Variants in NOMO2 observed in about 807,000 individuals in gnomAD.
The protein encoded by NOMO2 is BOS complex subunit NOMO2.
NOMO2 carries 14 observed loss-of-function variants against 67.1 expected under a neutral mutation model. That is an observed-to-expected ratio of 0.21 (90% CI 0.14 to 0.33). The LOEUF (loss-of-function observed/expected upper bound fraction) is 0.33. NOMO2 is among the 10% of genes least tolerant of loss of function. The pLI is 1.00. For missense variants in NOMO2, 178 were observed against 761.0 expected (o/e 0.23, Z 9.01); for synonymous variants, 80 against 305.9 (o/e 0.26, Z 7.71).
chr16:18,550,754 T>G (rs1012948783), intron 4 of NOMO2, among the ~76,000 whole-genome samples: 2 of 152,102 alleles, frequency 1.3e-5, no homozygotes, highest in Non-Finnish European at 2.9e-5. Context: ...ATGCACGCTC[T>G]CTCTGGGAGA....
chr16:18,555,633 G>C (rs1347894605), intron 2 of NOMO2, among the ~76,000 whole-genome samples: 1 of 150,432 alleles, frequency 6.6e-6, no homozygotes, highest in East Asian at 1.9e-4. Context: ...TTTTGAGATG[G>C]AGCCTCGCTC....
chr16:18,547,842 CA>C (rs1316764211), intron 5 of NOMO2, among the ~76,000 whole-genome samples: 1 of 150,810 alleles, frequency 6.6e-6, no homozygotes, highest in African/African-American at 2.4e-5. Flanking sequence ...ACAGATAAGT[CA>C]TTCTGGGTTT....
intron 13 of NOMO2, 42 bp from the exon 14 acceptor site, chr16:18,531,210 A>G: frequency 1.5e-6 from 1 of 662,756 alleles, no homozygotes; most frequent in South Asian, 1.9e-5. Flanking sequence ...ACCCCTTATA[A>G]GGCTTCAGCA....
In NOMO2 at chr16:18,538,983, G is replaced by A; in HGVS notation, c.964-19C>T. The A allele has an allele frequency of 1.2e-6, 2 of 1,603,858 alleles. No homozygotes were observed. Among genetic ancestry groups the A allele is most frequent in the Non-Finnish European group, 1.7e-6 (2 of 1,171,286 alleles). On this transcript the variant is annotated intron_variant, in intron 9 of 30. Transcript: ENST00000622306. The stretch of plus-strand genomic sequence containing the variant: ...ACACGGGCTAGAAAACAAAGAACAA[G>A]AAGAAGGTGCTCGAAGGTGCTCCTG...
At chr16:18,534,102 C>T (rs1187198053) in intron 11 of NOMO2, among the ~76,000 whole-genome samples, 1 of 151,774 alleles carries the variant, frequency 6.6e-6, no homozygotes, top group Non-Finnish European at 1.5e-5. Flanking sequence ...TTGGAACCAC[C>T]ACTCCGCCTC....
intron 16 of NOMO2, among the ~76,000 whole-genome samples, chr16:18,527,173 G>A (rs1228816368): frequency 8.0e-6 from 1 of 124,898 alleles, no homozygotes; most frequent in Admixed American, 8.3e-5. Context: ...CCAAGATCAA[G>A]CCACTACACT....
chr16:18,528,362 C>T (rs1287491908), intron 15 of NOMO2, among the ~76,000 whole-genome samples: 10 of 151,776 alleles, frequency 6.6e-5, no homozygotes, highest in African/African-American at 2.2e-4. Context: ...TATTATGAAC[C>T]GGATATTAAT....
At chr16:18,526,014 G>A (rs996328331) in intron 16 of NOMO2, among the ~76,000 whole-genome samples, 6 of 152,024 alleles carry the variant, frequency 3.9e-5, no homozygotes, top group African/African-American at 1.2e-4. Flanking sequence ...CGATGGCACT[G>A]CTGTATGGAT....
rs425529 is a variant in NOMO2, at chr16:18,526,819, G to A, written c.1894+718C>T. ...ACAAATCTAAAACTGGATTCTGGCC[G>A]TGGTTGTGCAACTTGATAAATTTAC... On this transcript the variant is annotated intron_variant, in intron 16 of 30. Coordinates refer to ENST00000622306, the MANE Select transcript of NOMO2 (RefSeq NM_173614.4). Among the ~76,000 whole-genome samples, 1,174 of 150,824 alleles carry A rather than the reference G, an allele frequency of 7.8e-3. 7 individuals carry two copies. The highest frequency in any genetic ancestry group is 0.011 in the East Asian group (55 of 5,136).
At chr16:18,556,692 G>A (rs1455413361) in intron 2 of NOMO2, among the ~76,000 whole-genome samples, 1 of 152,114 alleles carries the variant, frequency 6.6e-6, no homozygotes. Flanking sequence ...GTGGGAGGAT[G>A]GGATTGTATA....
In NOMO2 at chr16:18,561,195, A is replaced by AAAAAAAAAAAAAC. The variant is rs1555467965; in HGVS notation, c.165+668_165+680dup. On this transcript the variant is annotated intron_variant, in intron 1 of 30. Coordinates refer to ENST00000622306, the MANE Select transcript of NOMO2 (RefSeq NM_173614.4). ...AATTAAAAAAAAAAAAAAAAAAAAA[A>AAAAAAAAAAAAAC]AAAAAAAAAAAACCTTTACAAATCT... Among the ~76,000 whole-genome samples, 136 of 100,380 alleles carry AAAAAAAAAAAAAC rather than the reference A, an allele frequency of 1.4e-3. 1 individual carries two copies. Among genetic ancestry groups the AAAAAAAAAAAAAC allele is most frequent in the Non-Finnish European group, 1.8e-3 (90 of 51,164 alleles). 65.9% of individuals were successfully genotyped at this position (100,380 alleles called of 152,430 possible).
At chr16:18,536,686 G>A (rs985006338) in intron 11 of NOMO2, among the ~76,000 whole-genome samples, 17 of 152,060 alleles carry the variant, frequency 1.1e-4, no homozygotes, top group African/African-American at 2.9e-4. Context: ...CTGTCTCCCT[G>A]GAAGGGTGAA....
intron 6 of NOMO2, 113 bp from the exon 7 acceptor site, chr16:18,543,882 T>TTTATA: frequency 1.1e-6 from 1 of 910,232 alleles, no homozygotes; most frequent in Non-Finnish European, 1.7e-6. Context: ...TCTATAAAAT[T>TTTATA]GCTTATTCAG....
At chr16:18,555,491 T>G (rs1250859033) in intron 2 of NOMO2, among the ~76,000 whole-genome samples, 4 of 149,840 alleles carry the variant, frequency 2.7e-5, no homozygotes, top group Admixed American at 2.0e-4. Flanking sequence ...ACCATAATTG[T>G]GCCCCTGCAC....
intron 28 of NOMO2, among the ~76,000 whole-genome samples, chr16:18,507,574 C>T (rs1487721386): frequency 1.5e-4 from 2 of 13,216 alleles, no homozygotes; most frequent in South Asian, 4.1e-3. Context: ...GTCTTATAGA[C>T]GAGGAAAGTC....
chr16:18,558,898 ATGG>A (rs1292635378), intron 1 of NOMO2: 1 of 454,402 alleles, frequency 2.2e-6, no homozygotes, highest in East Asian at 7.0e-5. Context: ...GCGGCCAGGC[ATGG>A]TGGCTCATGC....
At chr16:18,540,212 T>G (rs1436352148) in intron 9 of NOMO2, among the ~76,000 whole-genome samples, 1 of 149,320 alleles carries the variant, frequency 6.7e-6, no homozygotes, top group Non-Finnish European at 1.5e-5. Flanking sequence ...TTTTATTTTT[T>G]TTTTCAGCAA....
In NOMO2 at chr16:18,562,091, T is replaced by C; in HGVS notation, c.-51A>G. ...ACCGCCGGCAGCCGGGTCCCGCCCC[T>C]CACACTGCACGCCGCAGGCTCCTTC... On this transcript the variant is annotated 5_prime_UTR_variant, in exon 1 of 31. Coordinates refer to ENST00000622306, the MANE Select transcript of NOMO2 (RefSeq NM_173614.4). 7.2e-7 allele frequency: 1 copy of C among 1,388,366 alleles called. No homozygotes were observed. The highest frequency in any genetic ancestry group is 9.3e-7 in the Non-Finnish European group (1 of 1,075,226). The allele number at this position is 1,388,366 out of a possible 1,614,324, so 86.0% of individuals were successfully genotyped here.
At chr16:18,561,206 A>AAC (rs1902042151) in intron 1 of NOMO2, among the ~76,000 whole-genome samples, 1 of 149,800 alleles carries the variant, frequency 6.7e-6, no homozygotes, top group Non-Finnish European at 1.5e-5. Context: ...AAAAAAAAAA[A>AAC]ACCTTTACAA....
Sources: allele counts gnomAD v4.1 joint callset (sites outside exome capture counted in the v4.1 genomes callset), GRCh38; gene constraint gnomAD v4.1.1; transcripts MANE v1.5; gene names NCBI Gene and HGNC (gene_info 2026-07-23, HGNC 2026-07-21).